HEATR5A: variants seen among roughly 807,000 people sequenced by gnomAD.
The protein encoded by HEATR5A is HEAT repeat-containing protein 5A.
HEATR5A carries 178 observed loss-of-function variants against 218.8 expected under a neutral mutation model. The ratio of observed to expected loss-of-function variants is 0.81; its 90% CI spans 0.72 to 0.92. The LOEUF (loss-of-function observed/expected upper bound fraction) is 0.92, where lower values mean the gene tolerates loss of function less well. Ranked by LOEUF, HEATR5A falls within the 40% of genes least tolerant of loss-of-function variation. The pLI is 0.00. For synonymous variants in HEATR5A, 864 were observed against 871.6 expected, an observed-to-expected ratio of 0.99 and a Z score of 0.15; for missense variants, 2,420 against 2,418.9, an observed-to-expected ratio of 1.00 and a Z score of -0.01.
intron 14 of HEATR5A, among the ~76,000 whole-genome samples, chr14:31,359,647 A>G (rs1901551048): frequency 6.8e-6 from 1 of 148,060 alleles, no homozygotes; most frequent in South Asian, 2.2e-4. Flanking sequence ...AATCGCTTGA[A>G]TCTGGGAGGC....
chr14:31,363,899 G>A (rs561006693), intron 14 of HEATR5A, among the ~76,000 whole-genome samples: 1 of 152,242 alleles, frequency 6.6e-6, no homozygotes, highest in South Asian at 2.1e-4. Context: ...AGGGTCATTT[G>A]AGCCCAAGGC....
chr14:31,416,371 CT>C (rs2031448608), intron 1 of HEATR5A, among the ~76,000 whole-genome samples: 1 of 152,180 alleles, frequency 6.6e-6, no homozygotes, highest in African/African-American at 2.4e-5. Context: ...ATCTGCCCGC[CT>C]TGGCCTCCCA....
At chr14:31,344,268 C>CTTTTTTTTTTT (rs577497140) in intron 20 of HEATR5A, among the ~76,000 whole-genome samples, 695 of 50,842 alleles carry the variant, frequency 0.014, 160 homozygotes, top group Middle Eastern at 0.079. Flanking sequence ...ATTAGTTATT[C>CTTTTTTTTTTT]TTTTTTTTTT....
At chr14:31,344,268 C>CTTTTATTTTTTTTTTTTT (rs1900942531) in intron 20 of HEATR5A, among the ~76,000 whole-genome samples, 1 of 50,812 alleles carries the variant, frequency 2.0e-5, no homozygotes, top group Non-Finnish European at 3.7e-5. Flanking sequence ...ATTAGTTATT[C>CTTTTATTTTTTTTTTTTT]TTTTTTTTTT....
At chr14:31,386,390 G>C (rs1442623126) in intron 9 of HEATR5A, 30 bp downstream of exon 9, 5 of 1,583,922 alleles carry the variant, frequency 3.2e-6, no homozygotes, top group Non-Finnish European at 2.6e-6. Flanking sequence ...TAGTGTACAA[G>C]GTATTCCAAT....
intron 12 of HEATR5A, among the ~76,000 whole-genome samples, chr14:31,373,686 G>T (rs944814981): frequency 6.6e-6 from 1 of 151,980 alleles, no homozygotes; most frequent in African/African-American, 2.4e-5. Flanking sequence ...TCATATACAG[G>T]TGACCCTTGA....
intron 1 of HEATR5A, among the ~76,000 whole-genome samples, chr14:31,417,724 T>TG (rs1003165116): frequency 5.6e-5 from 8 of 143,788 alleles, no homozygotes; most frequent in Non-Finnish European, 1.1e-4. Flanking sequence ...CACTCCAGCC[T>TG]GGGGGACAGA....
Position 31,293,273 on chromosome 14 carries a change from A to T in HEATR5A, c.*32T>A. The T allele has an allele frequency of 1.3e-6, 2 of 1,501,120 alleles. No individual in the cohort carries two copies. Among genetic ancestry groups the T allele is most frequent in the African/African-American group, 1.4e-5 (1 of 71,096 alleles). The allele number at this position is 1,501,120 out of a possible 1,614,324, so 93.0% of individuals were successfully genotyped here. Reference sequence around the variant, plus strand: ...CAAAGGCAATGATCAAGTATTTATTATATTAAGGTGCTTACTATTCCAAAA... The same window carrying T: ...CAAAGGCAATGATCAAGTATTTATTTTATTAAGGTGCTTACTATTCCAAAA... On this transcript the variant is annotated 3_prime_UTR_variant, in exon 36 of 36. Coordinates refer to ENST00000543095, the MANE Select transcript of HEATR5A (RefSeq NM_015473.4).
intron 6 of HEATR5A, among the ~76,000 whole-genome samples, chr14:31,392,200 A>G (rs1324436658): frequency 2.0e-5 from 3 of 152,234 alleles, no homozygotes; most frequent in African/African-American, 7.2e-5. Flanking sequence ...GTGTGGTGTC[A>G]GTCTGTCCCT....
intron 14 of HEATR5A, among the ~76,000 whole-genome samples, chr14:31,361,294 G>T (rs1163987339): frequency 1.3e-5 from 2 of 152,046 alleles, no homozygotes; most frequent in Admixed American, 1.3e-4. Context: ...ATAATAGGAA[G>T]GTAGGAACTA....
intron 33 of HEATR5A, among the ~76,000 whole-genome samples, chr14:31,300,364 G>A (rs769521236): frequency 1.3e-5 from 2 of 150,934 alleles, no homozygotes; most frequent in African/African-American, 2.4e-5. Context: ...TGGCTCACAC[G>A]GCAATCTCTA....
chr14:31,333,272 T>G (rs901222786), intron 22 of HEATR5A, among the ~76,000 whole-genome samples: 7 of 152,094 alleles, frequency 4.6e-5, no homozygotes, highest in African/African-American at 1.4e-4. Flanking sequence ...TTTTTGAGAC[T>G]GAGTCTTGCT....
chr14:31,335,879 T>G (rs1455758037), intron 22 of HEATR5A, among the ~76,000 whole-genome samples: 6 of 152,038 alleles, frequency 3.9e-5, no homozygotes, highest in Non-Finnish European at 7.4e-5. Context: ...GGTCTCGAAC[T>G]CCTGACCTCC....
intron 22 of HEATR5A, among the ~76,000 whole-genome samples, chr14:31,326,855 G>A (rs1177843343): frequency 1.3e-5 from 2 of 151,996 alleles, no homozygotes; most frequent in Non-Finnish European, 2.9e-5. Flanking sequence ...ACGTTGCCCA[G>A]GCTGGTCTCA....
At chr14:31,414,907 C>G (rs1595192769) in intron 1 of HEATR5A, among the ~76,000 whole-genome samples, 1 of 152,292 alleles carries the variant, frequency 6.6e-6, no homozygotes, top group South Asian at 2.1e-4. Flanking sequence ...GTGGCACCAT[C>G]TCAGCTCATT....
rs756765553 is a variant in HEATR5A at position 31,304,990 on chromosome 14, T to C, written c.5154A>G (p.Pro1718=). 4.3e-6 allele frequency: 7 copies of C among 1,613,900 alleles called. No homozygotes were observed. The African/African-American group carries it at 9.3e-5, about 22-fold the overall frequency. The change falls in exon 32 of 36, where the codon CCA becomes CCG. Residue 1718 remains proline (P), a synonymous_variant. Transcript: ENST00000543095. ...TGSPGVKATK[P]QILLEDGSRL... ...TACTTCCATCTTCTAATAGTATCTG[T>C]GGCTTCGTAGCTTTTACTCCTGGGC...
chr14:31,370,118 C>T (rs927134970), intron 13 of HEATR5A, among the ~76,000 whole-genome samples: 4 of 149,472 alleles, frequency 2.7e-5, no homozygotes, highest in Non-Finnish European at 5.9e-5. Flanking sequence ...CCCAGCTACT[C>T]GGGAGGCTGA....
chr14:31,377,888 AT>A (rs1361966845), intron 11 of HEATR5A, among the ~76,000 whole-genome samples: 1 of 152,248 alleles, frequency 6.6e-6, no homozygotes, highest in Non-Finnish European at 1.5e-5. Flanking sequence ...CAAAACCTTA[AT>A]TAAAACTTTT....
chr14:31,335,014 C>A (rs7141031), intron 22 of HEATR5A, among the ~76,000 whole-genome samples: 2,936 of 151,540 alleles, frequency 0.019, 83 homozygotes, highest in African/African-American at 0.067. Context: ...GCAACCACCA[C>A]CCCTGATTAA....
Sources: gnomAD v4.1 joint callset for allele counts (sites outside exome capture counted in the v4.1 genomes callset) on GRCh38, gnomAD v4.1.1 for gene constraint, MANE v1.5 for transcripts, NCBI Gene and HGNC (gene_info 2026-07-23, HGNC 2026-07-21) for gene names.